OBSL1: variants seen among roughly 807,000 people sequenced by gnomAD.
The protein encoded by OBSL1 is obscurin like cytoskeletal adaptor 1, also known as obscurin-like protein 1.
OBSL1 carries 160 observed loss-of-function variants against 172.0 expected under a neutral mutation model. That is an observed-to-expected ratio of 0.93 (90% confidence interval 0.82 to 1.06). The LOEUF (loss-of-function observed/expected upper bound fraction) is 1.06. OBSL1 is among the 50% of genes least tolerant of loss of function. The pLI is 0.00. For missense variants in OBSL1, 2,681 were observed against 2,715.4 expected, an observed-to-expected ratio of 0.99 and a Z score of 0.28; for synonymous variants, 1,200 against 1,196.3, an observed-to-expected ratio of 1.00 and a Z score of -0.06.
rs776603965 is a variant in OBSL1, at chr2:219,557,882, G to A, written c.3731C>T (p.Thr1244Ile). The change falls in exon 11 of 21, where the codon ACC becomes ATC. Residue 1244 changes from threonine (T) to isoleucine (I), a missense_variant. Transcript: ENST00000404537. ...AAGPAHAGLYTCQSGAAPGAP... is the reference protein window; with the variant it reads ...AAGPAHAGLYICQSGAAPGAP... The stretch of plus-strand genomic sequence containing the variant: ...TCCGGGGGCTGCTCCAGACTGGCAG[G>A]TGTAGAGCCCTGCATGGGCTGGGCC... 107 of 1,601,852 alleles carry A rather than the reference G, an allele frequency of 6.7e-5. No homozygotes were observed. The highest frequency in any genetic ancestry group is 2.3e-4 in the South Asian group (21 of 91,078).
Position 219,568,319 on chromosome 2 carries a change from G to A in OBSL1, c.1018C>T (p.Arg340Cys), listed in dbSNP as rs199799438. The change falls in exon 2 of 21, where the codon CGC becomes TGC. Residue 340 changes from arginine (R) to cysteine (C), a missense_variant. By Grantham distance (180) the Arg-to-Cys change is radical. This residue lies in a region of OBSL1 where 706 missense variants were observed against 695.8 expected (regional missense o/e 1.01). Transcript: ENST00000404537. The surrounding 1 kb of genome is among the most constrained non-coding windows in gnomAD (Gnocchi z 4.1). ...SAVQLHVKEPRLRFTRPLQDV... is the reference protein window; with the variant it reads ...SAVQLHVKEPCLRFTRPLQDV... ...TGCAGGGGCCGTGTGAACCGGAGGC[G>A]GGGCTCTGTGGAGAGGGGAGAGAGA... The A allele has an allele frequency of 1.9e-4, 312 of 1,601,274 alleles. 1 individual carries two copies. The East Asian group carries it at 6.6e-3, about 34-fold the overall frequency.
chr2:219,548,034 T>C, downstream of OBSL1: 1 of 1,587,754 alleles, frequency 6.3e-7, no homozygotes, highest in Non-Finnish European at 8.5e-7. Flanking sequence ...CTGATGGGCG[T>C]TCTGGTGCAG....
chr2:219,551,693 C>T lies in OBSL1; in HGVS notation c.5519G>A (p.Cys1840Tyr). The T allele has an allele frequency of 6.2e-7, 1 of 1,611,090 alleles. No individual in the cohort carries two copies. ...VTVSRSGGHVCWLREGAELCP... is the reference protein window; with the variant it reads ...VTVSRSGGHVYWLREGAELCP... ...CAGCTCGGCCCCCTCCCGCAGCCAGCACACGTGGCCCCCCGAGCGGGACAC... is the reference window on the plus strand; with the variant it reads ...CAGCTCGGCCCCCTCCCGCAGCCAGTACACGTGGCCCCCCGAGCGGGACAC... The change falls in exon 20 of 21, where the codon TGC becomes TAC. Residue 1840 changes from cysteine (C) to tyrosine (Y), a missense_variant. Around this residue, in one of 5 missense-constraint regions of OBSL1, gnomAD observed 1,765 missense variants for 1,748.3 expected, o/e 1.01. Coordinates refer to ENST00000404537, the MANE Select transcript of OBSL1 (RefSeq NM_015311.3).
At chr2:219,552,790 C>T (rs760935303) in intron 17 of OBSL1, 78 bp downstream of exon 17, 268 of 1,519,466 alleles carry the variant, frequency 1.8e-4, no homozygotes, top group Non-Finnish European at 2.3e-4. Context: ...CACGCGCGGT[C>T]ATCAGGGTCC....
In OBSL1 at chr2:219,551,702, C is replaced by G. The variant is rs750726248; in HGVS notation, c.5510G>C (p.Gly1837Ala). Residue 1837 changes from glycine to alanine, a missense_variant, in exon 20 of 21, where the codon GGC becomes GCC. This residue lies in a region of OBSL1 where 1,765 missense variants were observed against 1,748.3 expected (regional missense o/e 1.01). Transcript: ENST00000404537. ...VLEVTVSRSG[G>A]HVCWLREGAE... ...CCCCTCCCGCAGCCAGCACACGTGG[C>G]CCCCCGAGCGGGACACAGTCACCTC... is the stretch of plus-strand genomic sequence containing the variant. 6.2e-7 allele frequency: 1 copy of G among 1,610,326 alleles called. No individual in the cohort carries two copies. The highest frequency in any genetic ancestry group is 2.2e-5 in the East Asian group (1 of 44,844).
At chr2:219,549,973 C>T (rs1006735338), downstream of OBSL1, 3 of 1,343,098 alleles carry the variant, frequency 2.2e-6, no homozygotes, top group Admixed American at 2.2e-5. Context: ...AGAGGGCTGG[C>T]CTGGTCACTA....
In OBSL1 at chr2:219,570,437, G is replaced by A. The variant is rs774215754; in HGVS notation, c.796C>T (p.Arg266Cys). 2 of 1,613,240 alleles carry A rather than the reference G, an allele frequency of 1.2e-6. No homozygotes were observed. The highest frequency in any genetic ancestry group is 2.2e-5 in the East Asian group (1 of 44,856). ...TCGGGCTTGCCCATCACGTAGCAGCGGAACTTGGCGTGCTTGCCCTCGTTC... is the reference window on the plus strand; with the variant it reads ...TCGGGCTTGCCCATCACGTAGCAGCAGAACTTGGCGTGCTTGCCCTCGTTC... ...WVNEGKHAKF[R>C]CYVMGKPEPE... is the part of the protein sequence containing the mutation. Residue 266 changes from arginine to cysteine, a missense_variant, in exon 1 of 21, where the codon CGC (arginine) becomes TGC (cysteine). Transcript: ENST00000404537.
intron 9 of OBSL1, 80 bp downstream of exon 9, chr2:219,559,145 G>A: frequency 7.4e-7 from 1 of 1,342,686 alleles, no homozygotes; most frequent in South Asian, 1.4e-5. Flanking sequence ...GGATGGGGTG[G>A]GGGAGGTGGG....
Position 219,559,513 on chromosome 2 carries a change from A to G in OBSL1, c.2954-16T>C, listed in dbSNP as rs759262829. ...ACTGGGGGTTCTGCAGGGTGGGGAC[A>G]ACCACAGCCTGTCACAAGCTCACCG... is the stretch of plus-strand genomic sequence containing the variant. On this transcript the variant is annotated splice_polypyrimidine_tract_variant and intron_variant, in intron 8 of 20. Coordinates refer to ENST00000404537, the MANE Select transcript of OBSL1 (RefSeq NM_015311.3). 10 of 1,599,010 alleles carry G rather than the reference A, an allele frequency of 6.3e-6. No individual in the cohort carries two copies. In the African/African-American group the frequency reaches 1.3e-4, roughly 21 times the overall value.
chr2:219,570,598 C>T lies in OBSL1; in HGVS notation c.635G>A (p.Arg212His), dbSNP rs1466690344. 4.0e-6 allele frequency: 6 copies of T among 1,515,122 alleles called. No individual in the cohort carries two copies. The South Asian group carries it at 7.5e-5, about 19-fold the overall frequency. 93.9% of individuals were successfully genotyped at this position (1,515,122 alleles called of 1,614,324 possible). The change falls in exon 1 of 21, where the codon CGC becomes CAC. Residue 212 changes from arginine to histidine, a missense_variant. Coordinates refer to ENST00000404537, the MANE Select transcript of OBSL1 (RefSeq NM_015311.3). ...PDSGVYVCHA[R>H]NAHGHAQAGA... ...CGCCTGCGCGTGGCCGTGCGCGTTG[C>T]GGGCGTGGCACACGTAGACGCCGGA...
chr2:219,557,974 C>A lies in OBSL1; in HGVS notation c.3639G>T (p.Val1213=), dbSNP rs772442443. 1 of 1,610,460 alleles carries A rather than the reference C, an allele frequency of 6.2e-7. No homozygotes were observed. Among genetic ancestry groups the A allele is most frequent in the Non-Finnish European group, 8.5e-7 (1 of 1,179,040 alleles). Reference sequence around the variant, plus strand: ...GGAGCTCTAGGCCCTCGCCCTCCTGCACGGGCCTCCCATTGTGGCTCCAGA... The same window carrying A: ...GGAGCTCTAGGCCCTCGCCCTCCTGAACGGGCCTCCCATTGTGGCTCCAGA... ...PVVWSHNGRP[V]QEGEGLELHA... The change falls in exon 11 of 21, where the codon GTG becomes GTT. Residue 1213 remains valine, a synonymous_variant. Transcript: ENST00000404537.
In OBSL1 at chr2:219,568,156, A is replaced by G; in HGVS notation, c.1181T>C (p.Val394Ala). The change falls in exon 2 of 21, where the codon GTC becomes GCC. Residue 394 changes from valine (V) to alanine (A), a missense_variant. Transcript: ENST00000404537. This position sits in a 1 kb window ranked among gnomAD's most constrained non-coding sequence, Gnocchi z 4.1. ...CAGCCTGTGGATGATGAGGCGCCGG[A>G]CAGTGCCCTCTTCGATCTGCTCGTA... ...RKYEQIEEGT[V>A]RRLIIHRLKA... 3 of 1,613,794 alleles carry G rather than the reference A, an allele frequency of 1.9e-6. No individual in the cohort carries two copies. The highest frequency in any genetic ancestry group is 2.5e-6 in the Non-Finnish European group (3 of 1,179,888).
downstream of OBSL1, chr2:219,547,967 G>C (rs1194793295): frequency 6.3e-7 from 1 of 1,589,154 alleles, no homozygotes; most frequent in Non-Finnish European, 8.5e-7. Flanking sequence ...GGCTGCTCCT[G>C]TGCCCCCACT....
intron 9 of OBSL1, 49 bp from the exon 10 acceptor site, chr2:219,558,508 C>G (rs753147627): frequency 2.0e-6 from 3 of 1,493,542 alleles, no homozygotes; most frequent in African/African-American, 1.4e-5. Context: ...CAGCAGGCCT[C>G]TCCTGCCTCA....
downstream of OBSL1, chr2:219,550,382 T>G (rs1296675638): frequency 5.0e-6 from 1 of 198,616 alleles, no homozygotes; most frequent in African/African-American, 2.3e-5. Flanking sequence ...CTGGCCTCTG[T>G]AAAGCCACCA....
At position 219,557,368 on chromosome 2, in the gene OBSL1, G is replaced by T. The variant is rs1288683065; in HGVS notation, c.4041C>A (p.Ser1347Arg). 6 of 1,513,876 alleles carry T rather than the reference G, an allele frequency of 4.0e-6. No homozygotes were observed. The allele number at this position is 1,513,876 out of a possible 1,614,324, so 93.8% of individuals were successfully genotyped here. ...CTTCCACGCTGACAAGGAAGATGCG[G>T]CTGTCCTGGGGCGCATCGCACAGGT... ...GEYLCDAPQD[S>R]RIFLVSVEEP... The change falls in exon 12 of 21, where the codon AGC becomes AGA. Residue 1347 changes from serine to arginine, a missense_variant. Ser to Arg is a moderately radical substitution (Grantham distance 110, BLOSUM62 -1). Around this residue, in one of 5 missense-constraint regions of OBSL1, gnomAD observed 1,765 missense variants for 1,748.3 expected, o/e 1.01. Coordinates refer to ENST00000404537, the MANE Select transcript of OBSL1 (RefSeq NM_015311.3).
At chr2:219,551,335 G>T in intron 20 of OBSL1, 194 bp downstream of exon 20, 1 of 1,412,244 alleles carries the variant, frequency 7.1e-7, no homozygotes, top group Non-Finnish European at 9.2e-7. Flanking sequence ...AGGAGCAGCT[G>T]ATCTGAGCCA....
In OBSL1 at chr2:219,568,843, C is replaced by T. The variant is rs141451748; in HGVS notation, c.1013-519G>A. Among the ~76,000 whole-genome samples, 9 of 151,862 alleles carry T rather than the reference C, an allele frequency of 5.9e-5. No homozygotes were observed. Among genetic ancestry groups the T allele is most frequent in the Middle Eastern group, 3.4e-3 (1 of 294 alleles). On this transcript the variant is annotated intron_variant, in intron 1 of 20. Coordinates refer to ENST00000404537, the MANE Select transcript of OBSL1 (RefSeq NM_015311.3). This position sits in a 1 kb window ranked among gnomAD's most constrained non-coding sequence, Gnocchi z 4.1. ...CACTGCAACCTCCACCTCCTGGGTT[C>T]AAGCAATTCTGGTGCCTCAGCCTCT...
At chr2:219,550,900 C>T (rs1206223214) in intron 20 of OBSL1, 58 bp from the exon 21 acceptor site, 2 of 1,591,670 alleles carry the variant, frequency 1.3e-6, no homozygotes, top group East Asian at 2.3e-5. Context: ...ACCTTCCTCT[C>T]CCCTGGCAGA....
Sources: gnomAD v4.1 joint callset for allele counts (sites outside exome capture counted in the v4.1 genomes callset) on GRCh38, gnomAD v4.1.1 for gene constraint, gnomAD v4.1.1 regional missense constraint, Gnocchi (gnomAD v3.1) non-coding constraint, MANE v1.5 for transcripts, NCBI Gene and HGNC (gene_info 2026-07-23, HGNC 2026-07-21) for gene names.